Variants in UGT2B4 observed in about 807,000 individuals in gnomAD.
UGT2B4 encodes UDP-glucuronosyltransferase 2B4.
A neutral mutation model predicts 49.8 loss-of-function variants in UGT2B4; 49 were observed. The ratio of observed to expected loss-of-function variants is 0.98; its 90% CI spans 0.78 to 1.25. UGT2B4 has a LOEUF of 1.25. UGT2B4 is among the 50% of genes most tolerant of loss of function. UGT2B4 has a pLI of 0.00. For missense variants in UGT2B4, 729 were observed against 627.7 expected, an observed-to-expected ratio of 1.16 and a Z score of -1.73; for synonymous variants, 246 against 217.7, an observed-to-expected ratio of 1.13 and a Z score of -1.14.
upstream of UGT2B4, among the ~76,000 whole-genome samples, chr4:69,500,618 A>AAAGC (rs1560438354): frequency 2.4e-5 from 2 of 82,470 alleles, no homozygotes; most frequent in African/African-American, 7.0e-5. Context: ...AGAAAGAAAG[A>AAAGC]AAGAAAGAAA....
At chr4:69,525,161 T>C (rs1198432362) in intron 1 of UGT2B4, among the ~76,000 whole-genome samples, 2 of 152,136 alleles carry the variant, frequency 1.3e-5, no homozygotes, top group Non-Finnish European at 2.9e-5. Context: ...TGTTTGTTTG[T>C]ATGTTTTGTT....
At chr4:69,521,755 C>T (rs1459376811) in intron 1 of UGT2B4, among the ~76,000 whole-genome samples, 6 of 152,076 alleles carry the variant, frequency 3.9e-5, no homozygotes, top group Non-Finnish European at 7.4e-5. Flanking sequence ...GCTGGTGAAG[C>T]GATATCCCGA....
chr4:69,525,814 G>A (rs1728970330), exon 1 of UGT2B4: 2 of 1,055,994 alleles, frequency 1.9e-6, no homozygotes, highest in Non-Finnish European at 2.5e-6. Flanking sequence ...TAAAGAAAGG[G>A]CTCCAGGCTG....
At chr4:69,500,666 A>AAAGAAAGAAAGAAAGGAAGG (rs1444201529), upstream of UGT2B4, among the ~76,000 whole-genome samples, 244 of 113,780 alleles carry the variant, frequency 2.1e-3, 1 homozygote, top group Middle Eastern at 4.0e-3. Flanking sequence ...AGAAAGAAAG[A>AAAGAAAGAAAGAAAGGAAGG]AAGGAAGGAA....
intron 1 of UGT2B4, among the ~76,000 whole-genome samples, chr4:69,512,406 C>T (rs1304801352): frequency 1.3e-5 from 2 of 151,850 alleles, no homozygotes; most frequent in Non-Finnish European, 2.9e-5. Context: ...TTATGTATTG[C>T]TTATTCGACA....
chr4:69,506,352 A>G (rs568503001), intron 1 of UGT2B4, among the ~76,000 whole-genome samples: 7 of 152,278 alleles, frequency 4.6e-5, no homozygotes, highest in Admixed American at 4.6e-4. Context: ...AAGAAAAAAG[A>G]GAGAAGATTC....
At chr4:69,502,368 C>T (rs1392715583) in intron 1 of UGT2B4, among the ~76,000 whole-genome samples, 1 of 151,638 alleles carries the variant, frequency 6.6e-6, no homozygotes, top group Non-Finnish European at 1.5e-5. Context: ...GTTAGACCTC[C>T]CAACTGGGGT....
upstream of UGT2B4, among the ~76,000 whole-genome samples, chr4:69,497,089 A>G (rs995250755): frequency 6.7e-6 from 1 of 149,644 alleles, no homozygotes; most frequent in African/African-American, 2.6e-5. Flanking sequence ...ATTAAAGTTC[A>G]TCTTAACTGT....
Sources: allele counts gnomAD v4.1 joint callset (sites outside exome capture counted in the v4.1 genomes callset), GRCh38; gene constraint gnomAD v4.1.1; transcripts MANE v1.5; gene names NCBI Gene and HGNC (gene_info 2026-07-23, HGNC 2026-07-21).